SLC36A1: variants seen among roughly 807,000 people sequenced by gnomAD.
SLC36A1 encodes the protein proton-coupled amino acid transporter 1.
A neutral mutation model predicts 47.5 loss-of-function variants in SLC36A1; 30 were observed. The observed-to-expected ratio is 0.63, with a 90% CI of 0.47 to 0.86. The LOEUF (loss-of-function observed/expected upper bound fraction) is 0.86. SLC36A1 is among the 40% of genes least tolerant of loss of function. SLC36A1 has a pLI of 0.00. For synonymous variants in SLC36A1, 255 were observed against 249.7 expected (o/e 1.02, Z -0.20); for missense variants, 517 against 606.0 (o/e 0.85, Z 1.54).
intron 2 of SLC36A1, among the ~76,000 whole-genome samples, chr5:151,460,811 G>A (rs1222034860): frequency 6.7e-6 from 1 of 148,886 alleles, no homozygotes; most frequent in Non-Finnish European, 1.5e-5. Context: ...TATATTTCTG[G>A]TTTGCCCCAC....
the SLC36A1 span, among the ~76,000 whole-genome samples, chr5:151,533,395 C>A: frequency 0.075 from 2,007 of 26,712 alleles, 27 homozygotes; most frequent in Middle Eastern, 0.2. Context: ...TTATCTCCAA[C>A]ACACACACAC....
chr5:151,488,381 C>A lies in SLC36A1; in HGVS notation c.*127C>A. ...GGTTGCTGTGTGGGAACCCCTCTGCCTGGCACCTGGATACCCTGGGCCAGG... is the reference window on the plus strand; with the variant it reads ...GGTTGCTGTGTGGGAACCCCTCTGCATGGCACCTGGATACCCTGGGCCAGG... On this transcript the variant is annotated 3_prime_UTR_variant, in exon 11 of 11. Transcript: ENST00000243389. 1 of 1,252,604 alleles carries A rather than the reference C, an allele frequency of 8.0e-7. No individual in the cohort carries two copies. Among genetic ancestry groups the A allele is most frequent in the Non-Finnish European group, 1.1e-6 (1 of 915,676 alleles). 77.6% of individuals were successfully genotyped at this position (1,252,604 alleles called of 1,614,324 possible). A position where few individuals can be genotyped will look rare whatever the true frequency, so the allele number is the denominator to read the frequency against.
the SLC36A1 span, chr5:151,528,220 A>G: frequency 6.6e-7 from 1 of 1,511,470 alleles, no homozygotes; most frequent in East Asian, 2.3e-5. Context: ...TCCCTGCCCC[A>G]GTGACTGCCT....
At chr5:151,505,585 A>G in the SLC36A1 span, 1 of 1,614,088 alleles carries the variant, frequency 6.2e-7, no homozygotes, top group Admixed American at 1.7e-5. Flanking sequence ...ACCTCCTCAC[A>G]GCTGCCATAA....
intron 6 of SLC36A1, 49 bp from the exon 7 acceptor site, chr5:151,467,658 C>T (rs748220037): frequency 4.0e-6 from 6 of 1,492,062 alleles, no homozygotes; most frequent in African/African-American, 2.8e-5. Context: ...ATCCACCGGC[C>T]TCTGTTGTTT....
chr5:151,440,922 C>A (rs1042949273), intron 1 of SLC36A1, among the ~76,000 whole-genome samples: 1 of 152,204 alleles, frequency 6.6e-6, no homozygotes, highest in East Asian at 1.9e-4. Flanking sequence ...AAAGCAAGTC[C>A]CTTCAGAAGC....
chr5:151,445,587 G>A (rs1384560224), upstream of SLC36A1, among the ~76,000 whole-genome samples: 2 of 152,210 alleles, frequency 1.3e-5, no homozygotes, highest in African/African-American at 2.4e-5. Flanking sequence ...AGTCAGCTGT[G>A]AAGCCATCTG....
chr5:151,547,140 C>T, the SLC36A1 span, among the ~76,000 whole-genome samples: 1,469 of 152,112 alleles, frequency 9.7e-3, 21 homozygotes, highest in African/African-American at 0.034. Flanking sequence ...AATAAAAACA[C>T]CATATTGCTT....
chr5:151,350,687 A>C, the SLC36A1 span, among the ~76,000 whole-genome samples: 1 of 152,108 alleles, frequency 6.6e-6, no homozygotes, highest in South Asian at 2.1e-4. Context: ...TAATATCAGG[A>C]TAAAGGATAA....
chr5:151,364,554 G>A, the SLC36A1 span, among the ~76,000 whole-genome samples: 1 of 152,078 alleles, frequency 6.6e-6, no homozygotes, highest in African/African-American at 2.4e-5. Flanking sequence ...TTAAATTATA[G>A]AATACTTGTA....
the SLC36A1 span, chr5:151,381,342 C>G: frequency 5.3e-6 from 1 of 187,016 alleles, no homozygotes; most frequent in Admixed American, 6.1e-5. Context: ...AAAATTATGA[C>G]TGAGACAGTG....
At chr5:151,397,086 A>T in the SLC36A1 span, among the ~76,000 whole-genome samples, 1 of 152,246 alleles carries the variant, frequency 6.6e-6, no homozygotes. Context: ...TAGGCCTGGT[A>T]AAATTAATAG....
rs373585700 is a variant in SLC36A1, at chr5:151,476,518, GT to G, written c.823-61del. 7.4e-3 allele frequency: 7,032 copies of G among 949,108 alleles called. 1 individual carries two copies. Among genetic ancestry groups the G allele is most frequent in the South Asian group, 0.01 (441 of 42,432 alleles). The allele number at this position is 949,108 out of a possible 1,614,324, so 58.8% of individuals were successfully genotyped here. On this transcript the variant is annotated intron_variant, in intron 8 of 10. Coordinates refer to ENST00000243389, the MANE Select transcript of SLC36A1 (RefSeq NM_078483.4). ...ATAAAAGAGTTACTTTTTTTCTGAG[GT>G]TTTTTTTTTTCTTGGCCATTAACTT...
the SLC36A1 span, among the ~76,000 whole-genome samples, chr5:151,396,992 T>A: frequency 7.9e-5 from 12 of 152,366 alleles, no homozygotes; most frequent in East Asian, 2.1e-3. Context: ...GAGTTCTCTG[T>A]GACCCACCAT....
At chr5:151,396,385 G>A in the SLC36A1 span, among the ~76,000 whole-genome samples, 1 of 152,024 alleles carries the variant, frequency 6.6e-6, no homozygotes, top group Non-Finnish European at 1.5e-5. Flanking sequence ...ACAGGCATGA[G>A]CCACCATGCC....
At chr5:151,539,646 GTTTAAC>G in the SLC36A1 span, among the ~76,000 whole-genome samples, 2 of 152,264 alleles carry the variant, frequency 1.3e-5, no homozygotes, top group East Asian at 1.9e-4. Flanking sequence ...AATGTTAGCA[GTTTAAC>G]TTTATCTATA....
the SLC36A1 span, among the ~76,000 whole-genome samples, chr5:151,533,393 AACAC>A: frequency 0.037 from 4,900 of 132,100 alleles, 109 homozygotes; most frequent in Admixed American, 0.072. Context: ...TGTTATCTCC[AACAC>A]ACACACACAC....
At chr5:151,383,439 T>C in the SLC36A1 span, among the ~76,000 whole-genome samples, 1 of 152,296 alleles carries the variant, frequency 6.6e-6, no homozygotes, top group Middle Eastern at 3.4e-3. Flanking sequence ...TGATGAGTAC[T>C]ACTCTAGGAT....
At chr5:151,531,146 G>A in the SLC36A1 span, among the ~76,000 whole-genome samples, 3 of 152,148 alleles carry the variant, frequency 2.0e-5, no homozygotes, top group Non-Finnish European at 4.4e-5. The surrounding 1 kb of genome is among the most constrained non-coding windows in gnomAD (Gnocchi z 5.7). Context: ...AAAATTAAGG[G>A]GTGCCAGGAT....
Sources: allele counts gnomAD v4.1 joint callset (sites outside exome capture counted in the v4.1 genomes callset), GRCh38; gene constraint gnomAD v4.1.1; non-coding constraint Gnocchi (gnomAD v3.1); transcripts MANE v1.5; gene names NCBI Gene and HGNC (gene_info 2026-07-23, HGNC 2026-07-21).